RALGAPA2: variants seen among roughly 807,000 people sequenced by gnomAD.
The protein encoded by RALGAPA2 is ral GTPase-activating protein subunit alpha-2.
Under a neutral mutation model 230.4 loss-of-function variants are expected in RALGAPA2, and 139 were observed. The observed-to-expected ratio is 0.60, with a 90% CI of 0.53 to 0.69. The LOEUF is 0.69. RALGAPA2 is among the 30% of genes least tolerant of loss of function. The probability of loss-of-function intolerance (pLI) is 0.00; values close to 1 mark genes in which losing one functional copy is unlikely to be tolerated. For missense variants in RALGAPA2, 2,163 were observed against 2,276.0 expected, an observed-to-expected ratio of 0.95 and a Z score of 1.01; for synonymous variants, 847 against 837.8, an observed-to-expected ratio of 1.01 and a Z score of -0.19.
At chr20:20,547,746 C>T (rs915846114) in intron 23 of RALGAPA2, among the ~76,000 whole-genome samples, 1 of 152,200 alleles carries the variant, frequency 6.6e-6, no homozygotes, top group East Asian at 1.9e-4. Context: ...CACTGAAGTA[C>T]AGTCGTGTCG....
intron 1 of RALGAPA2, among the ~76,000 whole-genome samples, chr20:20,693,895 A>G (rs1377604540): frequency 6.6e-6 from 1 of 152,124 alleles, no homozygotes; most frequent in Non-Finnish European, 1.5e-5. Context: ...ACTTGAGCCC[A>G]GAGTTCAAGA....
intron 3 of RALGAPA2, among the ~76,000 whole-genome samples, chr20:20,673,956 G>C (rs1002064474): frequency 2.6e-5 from 4 of 152,148 alleles, no homozygotes; most frequent in African/African-American, 9.7e-5. Context: ...AGGAGGCCAA[G>C]GCAGGAAGAT....
In RALGAPA2 at chr20:20,495,268, T is replaced by C; in HGVS notation, c.5216A>G (p.His1739Arg). 1.3e-6 allele frequency: 2 copies of C among 1,520,598 alleles called. No individual in the cohort carries two copies. The highest frequency in any genetic ancestry group is 1.8e-6 in the Non-Finnish European group (2 of 1,117,726). The allele number at this position is 1,520,598 out of a possible 1,614,324, so 94.2% of individuals were successfully genotyped here. A position where few individuals can be genotyped will look rare whatever the true frequency, so the allele number is the denominator to read the frequency against. ...SDDSLTKKLR[H>R]LGNDEVHIVW... Reference sequence around the variant, plus strand: ...GATATGGACCTCGTCATTCCCCAAGTGACGAAGCTGCAACAGCAAATTGAC... The same window carrying C: ...GATATGGACCTCGTCATTCCCCAAGCGACGAAGCTGCAACAGCAAATTGAC... The change falls in exon 36 of 40, where the codon CAC becomes CGC. Residue 1739 changes from histidine to arginine, a missense_variant. Transcript: ENST00000202677.
chr20:20,395,658 A>G (rs1336468491), intron 39 of RALGAPA2, among the ~76,000 whole-genome samples: 3 of 152,118 alleles, frequency 2.0e-5, no homozygotes, highest in Non-Finnish European at 4.4e-5. Flanking sequence ...GGACAATATC[A>G]GGACTGGGCT....
chr20:20,636,431 T>G (rs2066859120), intron 8 of RALGAPA2, among the ~76,000 whole-genome samples: 1 of 152,160 alleles, frequency 6.6e-6, no homozygotes, highest in Non-Finnish European at 1.5e-5. Flanking sequence ...GAAACAAATT[T>G]TGAAAAAATA....
At chr20:20,417,655 T>G (rs1236959543) in intron 37 of RALGAPA2, among the ~76,000 whole-genome samples, 1 of 152,230 alleles carries the variant, frequency 6.6e-6, no homozygotes, top group African/African-American at 2.4e-5. Context: ...GACCATGGTT[T>G]ACTTCAATAA....
chr20:20,536,668 A>G lies in RALGAPA2; in HGVS notation c.3402T>C (p.Thr1134=). The change falls in exon 25 of 40, where the codon ACT becomes ACC. Residue 1134 remains threonine (T), a synonymous_variant. Coordinates refer to ENST00000202677, the MANE Select transcript of RALGAPA2 (RefSeq NM_020343.4). The part of the protein sequence containing the change: ...VPEVNEAITG[T]EDVKHYLINI... ...ATGCGTTATGTACCTTGACATCTTC[A>G]GTTCCTGTAATGGCCTCATTTACTT... is the stretch of plus-strand genomic sequence containing the variant. The G allele has an allele frequency of 2.5e-6, 4 of 1,612,608 alleles. No homozygotes were observed. The highest frequency in any genetic ancestry group is 3.4e-6 in the Non-Finnish European group (4 of 1,178,826).
At chr20:20,648,041 A>G (rs970562549) in intron 4 of RALGAPA2, among the ~76,000 whole-genome samples, 6 of 152,230 alleles carry the variant, frequency 3.9e-5, no homozygotes, top group Admixed American at 6.5e-5. Context: ...AAATGTTTAT[A>G]GTAGCTTTAC....
intron 5 of RALGAPA2, among the ~76,000 whole-genome samples, chr20:20,642,748 GT>G (rs1210559248): frequency 1.3e-5 from 2 of 151,594 alleles, no homozygotes; most frequent in African/African-American, 2.4e-5. Flanking sequence ...AACTCACTTC[GT>G]TTTTTTTCAA....
chr20:20,435,251 A>T (rs1157047634), intron 37 of RALGAPA2, among the ~76,000 whole-genome samples: 1 of 152,220 alleles, frequency 6.6e-6, no homozygotes, highest in Admixed American at 6.5e-5. Flanking sequence ...CATGGGAGGC[A>T]TGGGAGGGAC....
chr20:20,638,322 A>C (rs2066925589), intron 7 of RALGAPA2, among the ~76,000 whole-genome samples: 2 of 152,198 alleles, frequency 1.3e-5, no homozygotes, highest in South Asian at 4.1e-4. Flanking sequence ...CCTTCCTGAC[A>C]TGCCCACTTA....
intron 1 of RALGAPA2, among the ~76,000 whole-genome samples, chr20:20,699,132 C>T (rs1023960175): frequency 3.3e-5 from 5 of 152,048 alleles, no homozygotes; most frequent in Non-Finnish European, 7.4e-5. Flanking sequence ...GTTAATTACA[C>T]GTTTTTTATG....
chr20:20,655,457 A>G (rs1357709416), intron 3 of RALGAPA2, among the ~76,000 whole-genome samples: 3 of 151,732 alleles, frequency 2.0e-5, no homozygotes, highest in Non-Finnish European at 4.4e-5. Context: ...GCTGAGACTT[A>G]GAAGATGAAT....
chr20:20,544,539 T>G (rs1456036160), intron 24 of RALGAPA2, among the ~76,000 whole-genome samples: 1 of 152,178 alleles, frequency 6.6e-6, no homozygotes, highest in Non-Finnish European at 1.5e-5. Context: ...CAAAGGATTA[T>G]AAATCATGCT....
intron 3 of RALGAPA2, among the ~76,000 whole-genome samples, chr20:20,662,694 G>A (rs746976378): frequency 7.9e-5 from 12 of 152,146 alleles, no homozygotes; most frequent in African/African-American, 1.9e-4. Context: ...CATTATGTGC[G>A]AGGTACCATG....
chr20:20,608,178 A>G (rs1477667747), intron 14 of RALGAPA2, among the ~76,000 whole-genome samples: 1 of 152,158 alleles, frequency 6.6e-6, no homozygotes, highest in African/African-American at 2.4e-5. Flanking sequence ...ATGTATTTTA[A>G]AAACACCTTA....
intron 37 of RALGAPA2, among the ~76,000 whole-genome samples, chr20:20,418,121 C>A (rs780695322): frequency 2.6e-5 from 4 of 152,092 alleles, no homozygotes; most frequent in Non-Finnish European, 5.9e-5. Context: ...GAAGCATCTG[C>A]GACTCAGAGC....
At chr20:20,643,634 A>G in intron 4 of RALGAPA2, 85 bp from the exon 5 acceptor site, 1 of 1,197,060 alleles carries the variant, frequency 8.4e-7, no homozygotes, top group Non-Finnish European at 1.1e-6. Context: ...ACTTATGACA[A>G]AAATATACTT....
At chr20:20,582,715 TA>T (rs1423272288) in intron 20 of RALGAPA2, among the ~76,000 whole-genome samples, 1 of 152,202 alleles carries the variant, frequency 6.6e-6, no homozygotes, top group Non-Finnish European at 1.5e-5. Context: ...CCCCGTAACT[TA>T]CATACTGTAT....
Sources: gnomAD v4.1 joint callset for allele counts (sites outside exome capture counted in the v4.1 genomes callset) on GRCh38, gnomAD v4.1.1 for gene constraint, MANE v1.5 for transcripts, NCBI Gene and HGNC (gene_info 2026-07-23, HGNC 2026-07-21) for gene names.